Variants in NRG2 observed in about 807,000 individuals in gnomAD.
NRG2 encodes pro-neuregulin-2, membrane-bound isoform.
In NRG2, 27 loss-of-function variants were observed where a neutral mutation model predicts 73.9. The ratio of observed to expected loss-of-function variants is 0.37; its 90% CI spans 0.27 to 0.50. NRG2 has a LOEUF of 0.50. Among genes scored for constraint, NRG2 ranks in the 20% least tolerant of loss-of-function variants. NRG2 has a pLI of 0.96. For missense variants in NRG2, 1,126 were observed against 1,210.1 expected (o/e 0.93, Z 1.03); for synonymous variants, 532 against 541.0 (o/e 0.98, Z 0.23).
intron 1 of NRG2, among the ~76,000 whole-genome samples, chr5:140,004,044 T>A (rs1477522333): frequency 6.6e-6 from 1 of 152,208 alleles, no homozygotes; most frequent in Non-Finnish European, 1.5e-5. Context: ...TGTGGTTCTG[T>A]AACATGTTAA....
intron 1 of NRG2, among the ~76,000 whole-genome samples, chr5:139,998,021 G>A (rs1282253152): frequency 6.6e-6 from 1 of 152,190 alleles, no homozygotes; most frequent in African/African-American, 2.4e-5. Context: ...CCTTCACAGA[G>A]TTATAATCTG....
intron 1 of NRG2, among the ~76,000 whole-genome samples, chr5:139,910,452 TC>T (rs1765500574): frequency 6.6e-6 from 1 of 152,178 alleles, no homozygotes; most frequent in African/African-American, 2.4e-5. Context: ...CCAAACCCTG[TC>T]CTCCACAGAC....
At position 139,870,130 on chromosome 5, in the gene NRG2, G is replaced by T. The variant is rs1337632663; in HGVS notation, c.1112+1591C>A. On this transcript the variant is annotated intron_variant, in intron 4 of 9. Coordinates refer to ENST00000361474, the MANE Select transcript of NRG2 (RefSeq NM_004883.3). The surrounding 1 kb of genome is among the most constrained non-coding windows in gnomAD (Gnocchi z 4.4). ...GGGTCATCCCTGTGAGGTATTCCAG[G>T]ACCCTGATGAATTTCTAGTAGATCT... is the stretch of plus-strand genomic sequence containing the variant. 1.3e-5 allele frequency among the ~76,000 whole-genome samples: 2 copies of T among 152,160 alleles called. No individual in the cohort carries two copies. The highest frequency in any genetic ancestry group is 4.8e-5 in the African/African-American group (2 of 41,400).
intron 1 of NRG2, among the ~76,000 whole-genome samples, chr5:140,032,214 A>C (rs891146927): frequency 9.9e-5 from 15 of 152,214 alleles, no homozygotes; most frequent in Non-Finnish European, 1.9e-4. Context: ...CCAGTGAGAG[A>C]CCAGAATAAG....
intron 1 of NRG2, among the ~76,000 whole-genome samples, chr5:139,938,378 A>G (rs1429836210): frequency 6.6e-6 from 1 of 151,332 alleles, no homozygotes; most frequent in Admixed American, 6.6e-5. Flanking sequence ...TTTTTTTGAG[A>G]CAGGGTCTTG....
chr5:139,867,366 A>G (rs1029049316), intron 4 of NRG2, among the ~76,000 whole-genome samples: 6 of 151,702 alleles, frequency 4.0e-5, no homozygotes, highest in African/African-American at 1.5e-4. Flanking sequence ...TGGGAAGTGT[A>G]TCAGGGAAGT....
rs1350784103 is a variant in NRG2, at chr5:139,887,526, G to A, written c.701-15C>T. 2 of 1,613,258 alleles carry A rather than the reference G, an allele frequency of 1.2e-6. No individual in the cohort carries two copies. The highest frequency in any genetic ancestry group is 2.2e-5 in the South Asian group (2 of 90,862). ...GGGCCGGGTGGCTGTGGGTTACAAG[G>A]CAGGTAGGTGAGCACGGTGGTGGTA... is the stretch of plus-strand genomic sequence containing the variant. On this transcript the variant is annotated splice_polypyrimidine_tract_variant and intron_variant, in intron 1 of 9. Transcript: ENST00000361474. The surrounding 1 kb of genome is among the most constrained non-coding windows in gnomAD (Gnocchi z 4.5).
intron 1 of NRG2, among the ~76,000 whole-genome samples, chr5:139,988,451 T>G (rs1207762063): frequency 6.6e-6 from 1 of 152,026 alleles, no homozygotes; most frequent in Non-Finnish European, 1.5e-5. Context: ...AAATGAAATA[T>G]TCAGTGCTAA....
chr5:139,879,526 C>T (rs1763393830), intron 3 of NRG2, among the ~76,000 whole-genome samples: 1 of 152,166 alleles, frequency 6.6e-6, no homozygotes, highest in African/African-American at 2.4e-5. Context: ...TTGACCCATC[C>T]TATGAGTCAG....
Position 139,858,969 on chromosome 5 carries a change from G to A in NRG2, c.1190-3191C>T, listed in dbSNP as rs200905524. 2.6e-4 allele frequency among the ~76,000 whole-genome samples: 39 copies of A among 152,262 alleles called. No individual in the cohort carries two copies. In the East Asian group the frequency reaches 3.5e-3, roughly 14 times the overall value. On this transcript the variant is annotated intron_variant, in intron 5 of 9. Transcript: ENST00000361474. ...TAGGAGGCCTCCCCAAATCAGCCACGAGAGCAGCCTTTCTGTAACTGTAGG... is the reference window on the plus strand; with the variant it reads ...TAGGAGGCCTCCCCAAATCAGCCACAAGAGCAGCCTTTCTGTAACTGTAGG...
intron 4 of NRG2, among the ~76,000 whole-genome samples, chr5:139,867,194 C>G (rs1315502777): frequency 6.6e-6 from 1 of 152,198 alleles, no homozygotes; most frequent in African/African-American, 2.4e-5. Flanking sequence ...ACCCTGTGAC[C>G]TCAAATCTGG....
chr5:139,848,225 T>C lies in NRG2; in HGVS notation c.2245A>G (p.Asn749Asp). 1 of 1,190,730 alleles carries C rather than the reference T, an allele frequency of 8.4e-7. No individual in the cohort carries two copies. Among genetic ancestry groups the C allele is most frequent in the Non-Finnish European group, 1.0e-6 (1 of 963,348 alleles). The allele number at this position is 1,190,730 out of a possible 1,614,324, so 73.8% of individuals were successfully genotyped here. A position where few individuals can be genotyped will look rare whatever the true frequency, so the allele number is the denominator to read the frequency against. Residue 749 changes from asparagine to aspartate, a missense_variant, in exon 10 of 10, where the codon AAC becomes GAC. By Grantham distance (23) the Asn-to-Asp change is conservative (BLOSUM62 1). Transcript: ENST00000361474. ...CGTGCGCGCTGCGCCGCCAGCCCGT[T>C]GAGGCGCGAGCGGCGCCAGCGCCGG... ...GPRRWRRSRL[N>D]GLAAQRARAA...
At chr5:139,850,066 TC>T (rs36106381) in intron 9 of NRG2, among the ~76,000 whole-genome samples, 1 of 152,176 alleles carries the variant, frequency 6.6e-6, no homozygotes, top group Admixed American at 6.5e-5. Flanking sequence ...CTCAAGTTGT[TC>T]CCCGTGCCTA....
intron 5 of NRG2, among the ~76,000 whole-genome samples, chr5:139,857,973 A>G (rs969037302): frequency 6.6e-6 from 1 of 152,064 alleles, no homozygotes; most frequent in Non-Finnish European, 1.5e-5. Flanking sequence ...TCACCTTCTG[A>G]CGGGTCTTTC....
At chr5:139,876,469 A>G (rs910944800) in intron 3 of NRG2, among the ~76,000 whole-genome samples, 6 of 152,146 alleles carry the variant, frequency 3.9e-5, no homozygotes, top group Admixed American at 2.0e-4. Context: ...AAAAGGGTGA[A>G]TTTTATGGTA....
intron 1 of NRG2, among the ~76,000 whole-genome samples, chr5:139,959,627 C>T (rs1183157328): frequency 2.0e-5 from 3 of 152,142 alleles, no homozygotes; most frequent in Admixed American, 2.0e-4. Flanking sequence ...CCACCCGCCT[C>T]GGCCTCCCAA....
At chr5:139,990,928 C>A (rs1245922442) in intron 1 of NRG2, among the ~76,000 whole-genome samples, 1 of 152,082 alleles carries the variant, frequency 6.6e-6, no homozygotes, top group Admixed American at 6.5e-5. Flanking sequence ...TTGCAAAGAC[C>A]TTTTTCCAGT....
chr5:139,937,141 T>C (rs1184116716), intron 1 of NRG2, among the ~76,000 whole-genome samples: 1 of 152,200 alleles, frequency 6.6e-6, no homozygotes, highest in Non-Finnish European at 1.5e-5. Flanking sequence ...GATAATACAT[T>C]ATGATCAGAT....
chr5:139,853,603 A>G lies in NRG2; in HGVS notation c.1293-576T>C, dbSNP rs1482392530. ...CAATAAAGTTCCATGAAGAAAATAA[A>G]ACAGGTGCTGTGGCTAGGGAGTCAG... On this transcript the variant is annotated intron_variant, in intron 6 of 9. Transcript: ENST00000361474. This position sits in a 1 kb window ranked among gnomAD's most constrained non-coding sequence, Gnocchi z 4.1. Among the ~76,000 whole-genome samples, 1 of 152,184 alleles carries G rather than the reference A, an allele frequency of 6.6e-6. No individual in the cohort carries two copies. The highest frequency in any genetic ancestry group is 2.4e-5 in the African/African-American group (1 of 41,432).
Sources: gnomAD v4.1 joint callset for allele counts (sites outside exome capture counted in the v4.1 genomes callset) on GRCh38, gnomAD v4.1.1 for gene constraint, Gnocchi (gnomAD v3.1) non-coding constraint, MANE v1.5 for transcripts, NCBI Gene and HGNC (gene_info 2026-07-23, HGNC 2026-07-21) for gene names.